The following PCDHGB4 variants were observed in gnomAD, a reference collection of about 807,000 sequenced individuals.
The protein encoded by PCDHGB4 is protocadherin gamma subfamily B, 4, also known as protocadherin gamma-B4.
Under a neutral mutation model 60.5 loss-of-function variants are expected in PCDHGB4, and 38 were observed. The ratio of observed to expected loss-of-function variants is 0.63; its 90% CI spans 0.48 to 0.82. PCDHGB4 has a LOEUF of 0.82. Among genes scored for constraint, PCDHGB4 ranks in the 40% least tolerant of loss-of-function variants. The pLI, the probability that PCDHGB4 is intolerant of heterozygous loss-of-function variation, is 0.00. For synonymous variants in PCDHGB4, 456 were observed against 509.7 expected, an observed-to-expected ratio of 0.89 and a Z score of 1.42; for missense variants, 1,109 against 1,209.6, an observed-to-expected ratio of 0.92 and a Z score of 1.23.
At chr5:141,410,047 A>G in intron 1 of PCDHGB4, 1 of 1,612,420 alleles carries the variant, frequency 6.2e-7, no homozygotes. Flanking sequence ...GTGAGCCCGG[A>G]CTCTTCAGCC....
In PCDHGB4 at chr5:141,491,736, G is replaced by T; in HGVS notation, c.2398-3071G>T. The T allele has an allele frequency of 6.2e-7, 1 of 1,600,560 alleles. No individual in the cohort carries two copies. Among genetic ancestry groups the T allele is most frequent in the Non-Finnish European group, 8.5e-7 (1 of 1,174,270 alleles). ...CGGCGCCGCCCCGGGCGACCCCTGG[G>T]GGCGGCACTGGAGAAGCCGCCCGTC... On this transcript the variant is annotated intron_variant, in intron 1 of 3. Coordinates refer to ENST00000519479, the MANE Select transcript of PCDHGB4 (RefSeq NM_003736.4). This position sits in a 1 kb window ranked among gnomAD's most constrained non-coding sequence, Gnocchi z 6.9.
rs771858105 is a variant in PCDHGB4 at position 141,428,074 on chromosome 5, G to A, written c.2397+37793G>A. 4.4e-6 allele frequency: 7 copies of A among 1,609,112 alleles called. No homozygotes were observed. The African/African-American group carries it at 5.3e-5, about 12-fold the overall frequency. On this transcript the variant is annotated intron_variant, in intron 1 of 3. Transcript: ENST00000519479. The stretch of plus-strand genomic sequence containing the variant: ...GTGGTGGCGGTGGACGCAGATTCGG[G>A]ACACAACGCTTGGCTGTCCTACCAC...
intron 1 of PCDHGB4, among the ~76,000 whole-genome samples, chr5:141,456,843 A>G (rs2098891742): frequency 6.6e-6 from 1 of 152,030 alleles, no homozygotes. Context: ...GGCGCCTGTA[A>G]TCCCAGCTAA....
In PCDHGB4 at chr5:141,388,662, A is replaced by T; in HGVS notation, c.778A>T (p.Thr260Ser). The change falls in exon 1 of 4, where the codon ACG becomes TCG. Residue 260 changes from threonine (T) to serine (S), a missense_variant. Physicochemically the swap from Thr to Ser is moderately conservative, Grantham distance 58. Coordinates refer to ENST00000519479, the MANE Select transcript of PCDHGB4 (RefSeq NM_003736.4). ...TTCAGAAAACGTGTACCCGGGGACC[A>T]CGGTGCTACAGGTGACTGCCACGGA... ...SLSENVYPGT[T>S]VLQVTATDQD... 6.2e-7 allele frequency: 1 copy of T among 1,613,954 alleles called. No individual in the cohort carries two copies. The highest frequency in any genetic ancestry group is 8.5e-7 in the Non-Finnish European group (1 of 1,179,868).
chr5:141,475,297 T>C lies in PCDHGB4; in HGVS notation c.2398-19510T>C, dbSNP rs187277570. Among the ~76,000 whole-genome samples the C allele has an allele frequency of 6.5e-4, 99 of 152,360 alleles. 2 individuals are homozygous for C. Among genetic ancestry groups the C allele is most frequent in the African/African-American group, 2.3e-3 (96 of 41,586 alleles). ...TGAAAGACAGGGTAGGGAAATTTCT[T>C]ATTGCTCCCTGGTTCTTAAGAAATG... On this transcript the variant is annotated intron_variant, in intron 1 of 3. Transcript: ENST00000519479.
Position 141,400,542 on chromosome 5 carries a change from C to G in PCDHGB4, c.2397+10261C>G, listed in dbSNP as rs373097307. On this transcript the variant is annotated intron_variant, in intron 1 of 3. Transcript: ENST00000519479. ...CTGAGTTGGTGAGTTTCATTTATGT[C>G]TATTCTTTTTCATTACCCACCCAAT... 5.6e-6 allele frequency: 9 copies of G among 1,613,628 alleles called. No individual in the cohort carries two copies. In the African/African-American group the frequency reaches 8.0e-5, roughly 14 times the overall value.
rs2099811015 is a variant in PCDHGB4 at position 141,501,774 on chromosome 5, G to GTC, written c.2457-3612_2457-3611dup. ...CTCTCAGTAAATGGTTAAAAAAGAG[G>GTC]TCTCTCTCCCTCTGCTCATCTCTTA... is the stretch of plus-strand genomic sequence containing the variant. On this transcript the variant is annotated intron_variant, in intron 2 of 3. Coordinates refer to ENST00000519479, the MANE Select transcript of PCDHGB4 (RefSeq NM_003736.4). Among the ~76,000 whole-genome samples, 3 of 152,062 alleles carry GTC rather than the reference G, an allele frequency of 2.0e-5. No homozygotes were observed. In the South Asian group the frequency reaches 6.2e-4, roughly 32 times the overall value.
At chr5:141,441,948 G>A in intron 1 of PCDHGB4, 1 of 332,472 alleles carries the variant, frequency 3.0e-6, no homozygotes, top group Non-Finnish European at 5.8e-6. Flanking sequence ...ACGTGCTGCA[G>A]GCCAGCAAGC....
intron 1 of PCDHGB4, among the ~76,000 whole-genome samples, chr5:141,494,328 G>T (rs1595238527): frequency 6.6e-6 from 1 of 152,200 alleles, no homozygotes; most frequent in Non-Finnish European, 1.5e-5. Flanking sequence ...CACCAAAAGG[G>T]TTACCAAGAA....
chr5:141,465,606 T>C (rs192541390), intron 1 of PCDHGB4, among the ~76,000 whole-genome samples: 22 of 152,338 alleles, frequency 1.4e-4, no homozygotes, highest in African/African-American at 5.3e-4. Context: ...TATCACTCTT[T>C]GGCCCTCCAG....
chr5:141,421,741 C>A lies in PCDHGB4; in HGVS notation c.2397+31460C>A. 3 of 1,613,902 alleles carry A rather than the reference C, an allele frequency of 1.9e-6. No individual in the cohort carries two copies. The South Asian group carries it at 3.3e-5, about 18-fold the overall frequency. ...GGGCGTGAACTCCCTCCAGAGCTAC[C>A]AGCTCAGCCCTAATAATTACTTTTC... On this transcript the variant is annotated intron_variant, in intron 1 of 3. Transcript: ENST00000519479.
chr5:141,474,993 C>A (rs1313232385), intron 1 of PCDHGB4, among the ~76,000 whole-genome samples: 24 of 152,324 alleles, frequency 1.6e-4, no homozygotes. Context: ...GACAACAATT[C>A]TAAATGCAGA....
intron 1 of PCDHGB4, chr5:141,421,732 C>T: frequency 6.2e-7 from 1 of 1,613,934 alleles, no homozygotes; most frequent in Non-Finnish European, 8.5e-7. Flanking sequence ...GAACTCCCTC[C>T]AGAGCTACCA....
intron 1 of PCDHGB4, among the ~76,000 whole-genome samples, chr5:141,492,711 C>T (rs927567393): frequency 4.6e-5 from 7 of 152,254 alleles, no homozygotes; most frequent in East Asian, 3.8e-4. Flanking sequence ...AAGCCTCGAG[C>T]AGGCGGACAG....
At chr5:141,409,652 A>G in intron 1 of PCDHGB4, 1 of 1,613,654 alleles carries the variant, frequency 6.2e-7, no homozygotes, top group Non-Finnish European at 8.5e-7. Flanking sequence ...TTTGGGGCTC[A>G]ATGGCCACAT....
chr5:141,408,346 G>T (rs1248648378), intron 1 of PCDHGB4: 1 of 1,613,824 alleles, frequency 6.2e-7, no homozygotes, highest in African/African-American at 1.3e-5. Context: ...CGGTGGTGGG[G>T]AACCTCGCTA....
intron 1 of PCDHGB4, chr5:141,399,761 G>C: frequency 1.2e-6 from 2 of 1,613,356 alleles, no homozygotes; most frequent in Non-Finnish European, 1.7e-6. Flanking sequence ...GTGAGCCTGC[G>C]CGTGTTGGTG....
intron 1 of PCDHGB4, chr5:141,422,655 C>G (rs188587553): frequency 1.2e-6 from 2 of 1,610,122 alleles, no homozygotes; most frequent in South Asian, 2.2e-5. Context: ...TCTCAGTGAC[C>G]GCCCTCGACC....
chr5:141,433,408 A>T lies in PCDHGB4; in HGVS notation c.2397+43127A>T, dbSNP rs1052180455. On this transcript the variant is annotated intron_variant, in intron 1 of 3. Coordinates refer to ENST00000519479, the MANE Select transcript of PCDHGB4 (RefSeq NM_003736.4). Reference sequence around the variant, plus strand: ...CTATCTATCTATCTATCTATCTATTACTTTCTTGTACAGACAGGAGTCTCA... The same window carrying T: ...CTATCTATCTATCTATCTATCTATTTCTTTCTTGTACAGACAGGAGTCTCA... 4.2e-3 allele frequency among the ~76,000 whole-genome samples: 537 copies of T among 127,344 alleles called. 4 individuals carry two copies. The highest frequency in any genetic ancestry group is 0.015 in the African/African-American group (523 of 34,010). 83.5% of individuals were successfully genotyped at this position (127,344 alleles called of 152,430 possible). A position where few individuals can be genotyped will look rare whatever the true frequency, so the allele number is the denominator to read the frequency against.
Sources: gnomAD v4.1 joint callset for allele counts (sites outside exome capture counted in the v4.1 genomes callset) on GRCh38, gnomAD v4.1.1 for gene constraint, Gnocchi (gnomAD v3.1) non-coding constraint, MANE v1.5 for transcripts, NCBI Gene and HGNC (gene_info 2026-07-23, HGNC 2026-07-21) for gene names.